LUZP1: variants seen among roughly 807,000 people sequenced by gnomAD.
The protein encoded by LUZP1 is leucine zipper protein 1, also known as filamin mechanobinding actin cross-linking protein.
A neutral mutation model predicts 71.3 loss-of-function variants in LUZP1; 25 were observed. The ratio of observed to expected loss-of-function variants is 0.35; its 90% confidence interval spans 0.26 to 0.49. The LOEUF (loss-of-function observed/expected upper bound fraction) is 0.49, where lower values mean the gene tolerates loss of function less well. Ranked by LOEUF, LUZP1 falls within the 20% of genes least tolerant of loss-of-function variation. The probability of loss-of-function intolerance (pLI) is 0.99; values close to 1 mark genes in which losing one functional copy is unlikely to be tolerated. For missense variants in LUZP1, 1,142 were observed against 1,300.8 expected (o/e 0.88, Z 1.88); for synonymous variants, 481 against 506.4 (o/e 0.95, Z 0.67).
At chr1:23,120,371 C>CAT (rs904089842) in intron 2 of LUZP1, among the ~76,000 whole-genome samples, 4 of 148,804 alleles carry the variant, frequency 2.7e-5, no homozygotes, top group African/African-American at 9.9e-5. Flanking sequence ...AATAAATAAA[C>CAT]ATATATATAT....
Position 23,093,609 on chromosome 1 carries a change from A to G in LUZP1, c.653T>C (p.Leu218Pro). Residue 218 changes from leucine (L) to proline (P), a missense_variant, in exon 4 of 5, where the codon CTA becomes CCA. Leu to Pro is a moderately conservative substitution (Grantham distance 98). Coordinates refer to ENST00000302291, the Ensembl canonical transcript of LUZP1. This position sits in a 1 kb window ranked among gnomAD's most constrained non-coding sequence, Gnocchi z 4.2. ...TCGGTTCATTTTTTTGTTCTGCTCT[A>G]GTTTTTGAGTGAGTTCTTTTATCAA... 2.5e-6 allele frequency: 4 copies of G among 1,612,250 alleles called. No homozygotes were observed. The highest frequency in any genetic ancestry group is 3.4e-6 in the Non-Finnish European group (4 of 1,179,646).
At chr1:23,140,310 CAT>C (rs937581383) in intron 2 of LUZP1, 19 of 152,106 alleles carry the variant, frequency 1.2e-4, no homozygotes, top group African/African-American at 4.6e-4. Context: ...ACATATTACA[CAT>C]ATGTAATACA....
At chr1:23,121,836 A>AC (rs900290151) in intron 2 of LUZP1, among the ~76,000 whole-genome samples, 20 of 151,862 alleles carry the variant, frequency 1.3e-4, no homozygotes, top group African/African-American at 3.9e-4. Flanking sequence ...ACATGGTGAA[A>AC]CCCCCCCTCT....
At position 23,094,452 on chromosome 1, in the gene LUZP1, A is replaced by G; in HGVS notation, c.-119-72T>C. 1.7e-6 allele frequency: 2 copies of G among 1,166,544 alleles called. No individual in the cohort carries two copies. The highest frequency in any genetic ancestry group is 2.3e-6 in the Non-Finnish European group (2 of 886,472). The allele number at this position is 1,166,544 out of a possible 1,614,324, so 72.3% of individuals were successfully genotyped here. ...TGCACGTTAGCTCCCAGTTATAGAAAAGTGCTCCTATCTGTTCCTGGTGCC... is the reference window on the plus strand; with the variant it reads ...TGCACGTTAGCTCCCAGTTATAGAAGAGTGCTCCTATCTGTTCCTGGTGCC... On this transcript the variant is annotated intron_variant, in intron 3 of 4. Coordinates refer to ENST00000302291, the Ensembl canonical transcript of LUZP1. This position sits in a 1 kb window ranked among gnomAD's most constrained non-coding sequence, Gnocchi z 4.7.
intron 2 of LUZP1, among the ~76,000 whole-genome samples, chr1:23,134,210 G>A (rs546502315): frequency 2.0e-5 from 3 of 152,300 alleles, no homozygotes; most frequent in South Asian, 4.2e-4. Context: ...GCCAGGCACC[G>A]TGGCTCACAC....
chr1:23,085,128 T>G (rs931752237), exon 5 of LUZP1: 4 of 152,564 alleles, frequency 2.6e-5, no homozygotes, highest in Non-Finnish European at 5.9e-5. Context: ...GGTTCTGGCC[T>G]CCTTGGTCCC....
At chr1:23,112,570 A>C (rs192200695) in intron 2 of LUZP1, among the ~76,000 whole-genome samples, 30 of 152,366 alleles carry the variant, frequency 2.0e-4, no homozygotes, top group Admixed American at 7.2e-4. Context: ...TTCTGCTTTC[A>C]GTATGACCCT....
chr1:23,168,542 C>T (rs1644529381), intron 2 of LUZP1, among the ~76,000 whole-genome samples: 1 of 151,224 alleles, frequency 6.6e-6, no homozygotes, highest in Non-Finnish European at 1.5e-5. Flanking sequence ...ACTCCACAAA[C>T]ATGTGCTGGG....
rs185441949 is a variant in LUZP1, at chr1:23,123,327, A to T, written c.-225-14200T>A. ...ACCAACACAGTGAAACCCCGTCTCT[A>T]CTAAAAATACAAAAATTAACCAGGC... On this transcript the variant is annotated intron_variant, in intron 2 of 4. Transcript: ENST00000302291. 3.2e-3 allele frequency among the ~76,000 whole-genome samples: 482 copies of T among 152,222 alleles called. 2 individuals are homozygous for T. The highest frequency in any genetic ancestry group is 0.011 in the African/African-American group (465 of 41,534).
At chr1:23,105,986 A>T (rs1223692522) in intron 3 of LUZP1, among the ~76,000 whole-genome samples, 1 of 152,174 alleles carries the variant, frequency 6.6e-6, no homozygotes, top group Non-Finnish European at 1.5e-5. Flanking sequence ...CAAAAATGAA[A>T]TGCTCTGATA....
intron 2 of LUZP1, among the ~76,000 whole-genome samples, chr1:23,155,860 C>A (rs1357993090): frequency 1.3e-5 from 2 of 152,042 alleles, no homozygotes; most frequent in African/African-American, 2.4e-5. Context: ...CTAAAATGGC[C>A]TAAATCAGAT....
chr1:23,133,660 G>A (rs1163227612), intron 2 of LUZP1: 1 of 152,194 alleles, frequency 6.6e-6, no homozygotes, highest in Non-Finnish European at 1.5e-5. Flanking sequence ...CTTCTTGGGA[G>A]GCTGAGGCGG....
chr1:23,094,323 TG>T lies in LUZP1; in HGVS notation c.-63del. The T allele has an allele frequency of 6.6e-7, 1 of 1,513,200 alleles. No individual in the cohort carries two copies. Among genetic ancestry groups the T allele is most frequent in the South Asian group, 1.4e-5 (1 of 72,686 alleles). The allele number at this position is 1,513,200 out of a possible 1,614,324, so 93.7% of individuals were successfully genotyped here. On this transcript the variant is annotated 5_prime_UTR_variant, in exon 4 of 5. It introduces an in-frame stop codon into an upstream open reading frame of the 5' UTR. Coordinates refer to ENST00000302291, the Ensembl canonical transcript of LUZP1. This position sits in a 1 kb window ranked among gnomAD's most constrained non-coding sequence, Gnocchi z 4.7. ...CAATTCCACTCAAGGGGATGAGAAA[TG>T]GTTACCTTTCTCTTGGCAACCACAA...
At chr1:23,116,647 G>C (rs1644082005) in intron 2 of LUZP1, among the ~76,000 whole-genome samples, 1 of 151,872 alleles carries the variant, frequency 6.6e-6, no homozygotes, top group South Asian at 2.1e-4. Context: ...AGAAAAGAAA[G>C]AAAAGTTTGC....
intron 2 of LUZP1, among the ~76,000 whole-genome samples, chr1:23,131,245 A>G (rs1341614624): frequency 6.6e-6 from 1 of 150,874 alleles, no homozygotes; most frequent in Non-Finnish European, 1.5e-5. Context: ...AAAAAAAAAA[A>G]AAGATCTTTC....
rs572030875 is a variant in LUZP1 at position 23,113,961 on chromosome 1, T to A, written c.-225-4834A>T. Among the ~76,000 whole-genome samples the A allele has an allele frequency of 5.4e-5, 8 of 147,620 alleles. No individual in the cohort carries two copies. The South Asian group carries it at 8.7e-4, about 16-fold the overall frequency. On this transcript the variant is annotated intron_variant, in intron 2 of 4. Coordinates refer to ENST00000302291, the Ensembl canonical transcript of LUZP1. ...TCAGAAGAGAAACTGAAAAAAAAAA[T>A]TTAAGTGGAAATTTTTGAACAGAAA...
intron 2 of LUZP1, among the ~76,000 whole-genome samples, chr1:23,157,748 G>A (rs551923979): frequency 7.9e-5 from 12 of 151,700 alleles, no homozygotes; most frequent in South Asian, 2.1e-4. Context: ...CCAAGATCGC[G>A]CCACTGCACT....
chr1:23,118,537 T>C (rs546520932), intron 2 of LUZP1, among the ~76,000 whole-genome samples: 2 of 152,346 alleles, frequency 1.3e-5, no homozygotes, highest in East Asian at 3.9e-4. Flanking sequence ...GAAATGACAA[T>C]GTGTCTTGAC....
intron 2 of LUZP1, among the ~76,000 whole-genome samples, chr1:23,138,709 AT>A (rs1644276414): frequency 7.1e-6 from 1 of 141,316 alleles, no homozygotes; most frequent in Admixed American, 7.3e-5. Flanking sequence ...ATATATATAT[AT>A]ATATAAATGA....
Sources: gnomAD v4.1 joint callset for allele counts (sites outside exome capture counted in the v4.1 genomes callset) on GRCh38, gnomAD v4.1.1 for gene constraint, Gnocchi (gnomAD v3.1) non-coding constraint, MANE v1.5 for transcripts, NCBI Gene and HGNC (gene_info 2026-07-23, HGNC 2026-07-21) for gene names.